Variants in BRMS1L observed in about 807,000 individuals in gnomAD.
BRMS1L encodes BRMS1 like transcriptional repressor, also known as breast cancer metastasis-suppressor 1-like protein.
In BRMS1L, 23 loss-of-function variants were observed where a neutral mutation model predicts 50.3. The observed-to-expected ratio is 0.46, with a 90% confidence interval of 0.33 to 0.65. The LOEUF is 0.65. Ranked by LOEUF, BRMS1L falls within the 30% of genes least tolerant of loss-of-function variation. The pLI is 0.02. For synonymous variants in BRMS1L, 114 were observed against 126.9 expected, an observed-to-expected ratio of 0.90 and a Z score of 0.69; for missense variants, 286 against 386.1, an observed-to-expected ratio of 0.74 and a Z score of 2.17.
intron 9 of BRMS1L, 37 bp downstream of exon 9, chr14:35,868,069 T>A (rs1408545795): frequency 6.4e-7 from 1 of 1,557,550 alleles, no homozygotes; most frequent in East Asian, 2.3e-5. Flanking sequence ...TTGCTCAGTA[T>A]TGTCATTTAC....
At chr14:35,865,627 A>T (rs745772285) in intron 7 of BRMS1L, 95 bp from the exon 8 acceptor site, 1 of 919,340 alleles carries the variant, frequency 1.1e-6, no homozygotes, top group Non-Finnish European at 1.6e-6. Context: ...TATGGAGTTA[A>T]TCGGTAATAT....
At chr14:35,864,043 C>A in intron 6 of BRMS1L, 90 bp downstream of exon 6, 4 of 959,342 alleles carry the variant, frequency 4.2e-6, no homozygotes, top group Admixed American at 2.2e-5. Flanking sequence ...TAAACACTGA[C>A]TTTATTTGCA....
intron 1 of BRMS1L, 125 bp from the exon 2 acceptor site, chr14:35,831,285 T>C: frequency 1.5e-6 from 1 of 650,196 alleles, no homozygotes; most frequent in Non-Finnish European, 2.7e-6. Flanking sequence ...TTTTAAGGCT[T>C]AATATAGGTC....
Position 35,864,915 on chromosome 14 carries a change from A to G in BRMS1L, c.623-20A>G. The stretch of plus-strand genomic sequence containing the variant: ...CAAAGTGTGATATTCTTACAGCTAA[A>G]TTGACCTTGACTATTCAACGTCCAT... On this transcript the variant is annotated intron_variant, in intron 6 of 9. Coordinates refer to ENST00000216807, the MANE Select transcript of BRMS1L (RefSeq NM_032352.4). 1 of 1,504,938 alleles carries G rather than the reference A, an allele frequency of 6.6e-7. No individual in the cohort carries two copies. The highest frequency in any genetic ancestry group is 9.0e-7 in the Non-Finnish European group (1 of 1,109,482). 93.2% of individuals were successfully genotyped at this position (1,504,938 alleles called of 1,614,324 possible).
intron 7 of BRMS1L, among the ~76,000 whole-genome samples, chr14:35,865,372 T>G (rs2078407886): frequency 6.6e-6 from 1 of 152,208 alleles, no homozygotes; most frequent in South Asian, 2.1e-4. Flanking sequence ...ATTTGAACCC[T>G]TATGTGTCTT....
At chr14:35,847,585 T>G (rs1340063083) in intron 4 of BRMS1L, among the ~76,000 whole-genome samples, 2 of 152,222 alleles carry the variant, frequency 1.3e-5, no homozygotes, top group African/African-American at 2.4e-5. Context: ...CATTCACCAT[T>G]TGAGATTTGG....
chr14:35,838,956 C>T (rs1334543729), intron 4 of BRMS1L, among the ~76,000 whole-genome samples: 1 of 152,118 alleles, frequency 6.6e-6, no homozygotes, highest in Admixed American at 6.5e-5. Flanking sequence ...ATGCCTATGT[C>T]CTGAATGGTA....
intron 4 of BRMS1L, among the ~76,000 whole-genome samples, chr14:35,851,383 C>CAAA (rs35957897): frequency 2.4e-5 from 2 of 83,962 alleles, no homozygotes; most frequent in Admixed American, 1.3e-4. Context: ...AAAAGCATGC[C>CAAA]AAAAAAAAAA....
At chr14:35,829,829 T>C (rs1266001627) in intron 1 of BRMS1L, 60 of 1,258,478 alleles carry the variant, frequency 4.8e-5, no homozygotes, top group Non-Finnish European at 6.0e-5. Context: ...AAGATGCAGA[T>C]CATTTTGTGC....
intron 1 of BRMS1L, among the ~76,000 whole-genome samples, chr14:35,827,517 C>G (rs1307740324): frequency 6.6e-6 from 1 of 152,194 alleles, no homozygotes; most frequent in Non-Finnish European, 1.5e-5. Context: ...AGGTTGATGA[C>G]AGCCTAGTAT....
chr14:35,832,278 G>C (rs1036282971), intron 2 of BRMS1L, among the ~76,000 whole-genome samples: 2 of 151,504 alleles, frequency 1.3e-5, no homozygotes, highest in Admixed American at 6.6e-5. Context: ...GCTGAGGCGG[G>C]TGGATCACGT....
intron 5 of BRMS1L, among the ~76,000 whole-genome samples, 177 bp downstream of exon 5, chr14:35,862,863 T>G (rs1349810194): frequency 2.0e-5 from 3 of 152,204 alleles, no homozygotes; most frequent in Admixed American, 6.5e-5. Context: ...GTTATTTGAA[T>G]TCACACTTTA....
At chr14:35,830,443 T>C (rs1465648266) in intron 1 of BRMS1L, among the ~76,000 whole-genome samples, 1 of 152,096 alleles carries the variant, frequency 6.6e-6, no homozygotes, top group Non-Finnish European at 1.5e-5. Flanking sequence ...CTGCAACCTC[T>C]GCCTATCAAG....
intron 4 of BRMS1L, among the ~76,000 whole-genome samples, chr14:35,835,774 G>A (rs1411918585): frequency 6.6e-6 from 1 of 152,156 alleles, no homozygotes; most frequent in African/African-American, 2.4e-5. Context: ...GACCTTCGGA[G>A]GTTGAGGCTG....
At chr14:35,842,074 C>A (rs2078073602) in intron 4 of BRMS1L, among the ~76,000 whole-genome samples, 2 of 116,712 alleles carry the variant, frequency 1.7e-5, no homozygotes, top group Non-Finnish European at 3.5e-5. Flanking sequence ...TTATGTGTTT[C>A]TTTGCACGTG....
At chr14:35,844,622 G>A (rs546180508) in intron 4 of BRMS1L, among the ~76,000 whole-genome samples, 1 of 152,168 alleles carries the variant, frequency 6.6e-6, no homozygotes, top group Non-Finnish European at 1.5e-5. Flanking sequence ...GACCCGAGCT[G>A]TTCCTATTTG....
intron 4 of BRMS1L, among the ~76,000 whole-genome samples, chr14:35,856,160 CCAGAGACT>C (rs1284021832): frequency 2.0e-5 from 3 of 152,156 alleles, no homozygotes; most frequent in African/African-American, 7.2e-5. Context: ...AGGGGCAGGA[CCAGAGACT>C]GGACATGTTC....
chr14:35,871,426 A>C lies in BRMS1L; in HGVS notation c.*949A>C, dbSNP rs982924824. Reference sequence around the variant, plus strand: ...ATATTTTTTTCTTTGGTATTTCTACACTTTAAGGCCATTTGGTGCAATTTA... The same window carrying C: ...ATATTTTTTTCTTTGGTATTTCTACCCTTTAAGGCCATTTGGTGCAATTTA... On this transcript the variant is annotated 3_prime_UTR_variant, in exon 10 of 10. Transcript: ENST00000216807. 6.6e-6 allele frequency: 1 copy of C among 152,626 alleles called. No homozygotes were observed. The allele number at this position is 152,626 out of a possible 1,614,324, so 9.5% of individuals were successfully genotyped here. A position where few individuals can be genotyped will look rare whatever the true frequency, so the allele number is the denominator to read the frequency against.
chr14:35,840,649 A>T (rs1042394886), intron 4 of BRMS1L, among the ~76,000 whole-genome samples: 1 of 152,086 alleles, frequency 6.6e-6, no homozygotes, highest in Admixed American at 6.5e-5. Context: ...TTTCTAGTTT[A>T]TTTGCATAGA....
Sources: gnomAD v4.1 joint callset for allele counts (sites outside exome capture counted in the v4.1 genomes callset) on GRCh38, gnomAD v4.1.1 for gene constraint, MANE v1.5 for transcripts, NCBI Gene and HGNC (gene_info 2026-07-23, HGNC 2026-07-21) for gene names.